The following CELF2 variants were observed in gnomAD, a reference collection of about 807,000 sequenced individuals.
CELF2 encodes the protein CUG triplet repeat RNA-binding protein 2.
CELF2 carries 8 observed loss-of-function variants against 62.6 expected under a neutral mutation model. That is an observed-to-expected ratio of 0.13 (90% CI 0.07 to 0.23). The LOEUF (loss-of-function observed/expected upper bound fraction) is 0.23, where lower values mean the gene tolerates loss of function less well. Ranked by LOEUF, CELF2 falls within the 10% of genes least tolerant of loss-of-function variation. The pLI, the probability that CELF2 is intolerant of heterozygous loss-of-function variation, is 1.00. For missense variants in CELF2, 333 were observed against 671.0 expected (o/e 0.50, Z 5.56); for synonymous variants, 258 against 250.0 (o/e 1.03, Z -0.30).
chr10:10,612,941 C>T, the CELF2 span, among the ~76,000 whole-genome samples: 2 of 152,116 alleles, frequency 1.3e-5, no homozygotes, highest in Non-Finnish European at 2.9e-5. Context: ...TTTCAACCCA[C>T]GGTTAGATGA....
At position 11,306,333 on chromosome 10, in the gene CELF2, C is replaced by T. The variant is rs2094207179; in HGVS notation, c.977-7806C>T. 6.6e-6 allele frequency among the ~76,000 whole-genome samples: 1 copy of T among 152,048 alleles called. No individual in the cohort carries two copies. The highest frequency in any genetic ancestry group is 2.1e-4 in the South Asian group (1 of 4,824). ...AAAGCGTAGGGTACAGTTCTCAGCA[C>T]AGACTGAAGGAATCTGAGGTGGGAA... On this transcript the variant is annotated intron_variant, in intron 9 of 12. Coordinates refer to ENST00000633077, the MANE Select transcript of CELF2 (RefSeq NM_001326342.2). This position sits in a 1 kb window ranked among gnomAD's most constrained non-coding sequence, Gnocchi z 4.4.
At chr10:11,258,924 T>C (rs2079615392) in intron 5 of CELF2, among the ~76,000 whole-genome samples, 1 of 152,218 alleles carries the variant, frequency 6.6e-6, no homozygotes, top group African/African-American at 2.4e-5. Context: ...GACCTCGTGA[T>C]CCACCCGCCT....
chr10:10,739,913 C>T, the CELF2 span, among the ~76,000 whole-genome samples: 54 of 152,232 alleles, frequency 3.5e-4, 1 homozygote, highest in Admixed American at 3.4e-3. Flanking sequence ...TATTTAGGTC[C>T]TTTGCCCCCT....
the CELF2 span, among the ~76,000 whole-genome samples, chr10:10,734,207 G>A: frequency 1.3e-5 from 2 of 152,106 alleles, no homozygotes; most frequent in African/African-American, 4.8e-5. Context: ...ACCAGAAACT[G>A]ACAGTTACAA....
chr10:11,193,645 G>A (rs1480310268), intron 2 of CELF2, among the ~76,000 whole-genome samples: 2 of 152,172 alleles, frequency 1.3e-5, no homozygotes, highest in African/African-American at 4.8e-5. Context: ...ACCCACCTAG[G>A]GGCCGGGTGT....
At chr10:11,167,935 A>C (rs2067709777) in intron 2 of CELF2, among the ~76,000 whole-genome samples, 1 of 152,214 alleles carries the variant, frequency 6.6e-6, no homozygotes, top group African/African-American at 2.4e-5. Context: ...GTTAAGTGAC[A>C]GAGTGGAGAT....
chr10:10,925,714 A>G (rs2065397018), intron 2 of CELF2, among the ~76,000 whole-genome samples: 1 of 152,176 alleles, frequency 6.6e-6, no homozygotes, highest in Non-Finnish European at 1.5e-5. Flanking sequence ...AGTACAGGCC[A>G]GGGGATAGCC....
At chr10:11,160,645 C>CAA (rs35755036) in intron 1 of CELF2, among the ~76,000 whole-genome samples, 106 of 96,844 alleles carry the variant, frequency 1.1e-3, no homozygotes, top group African/African-American at 2.9e-3. Flanking sequence ...TCCCAAGGAT[C>CAA]AAAAAAAAAA....
intron 1 of CELF2, among the ~76,000 whole-genome samples, chr10:11,114,964 A>G (rs558916985): frequency 1.3e-5 from 2 of 152,156 alleles, no homozygotes; most frequent in African/African-American, 4.8e-5. Flanking sequence ...TGGCTTCCCA[A>G]CATGTAGTAT....
At position 11,268,565 on chromosome 10, in the gene CELF2, G is replaced by A. The variant is rs1366604988; in HGVS notation, c.618+1888G>A. Among the ~76,000 whole-genome samples, 1 of 152,150 alleles carries A rather than the reference G, an allele frequency of 6.6e-6. No individual in the cohort carries two copies. The highest frequency in any genetic ancestry group is 1.5e-5 in the Non-Finnish European group (1 of 68,030). The stretch of plus-strand genomic sequence containing the variant: ...CATGTAAAGAGTTGGTTTGACCACT[G>A]GGGCATATTTATTCCTAAGCCTTTG... On this transcript the variant is annotated intron_variant, in intron 6 of 12. Coordinates refer to ENST00000633077, the MANE Select transcript of CELF2 (RefSeq NM_001326342.2). This position sits in a 1 kb window ranked among gnomAD's most constrained non-coding sequence, Gnocchi z 4.7.
At chr10:10,970,174 T>C (rs542629248) in intron 2 of CELF2, among the ~76,000 whole-genome samples, 5 of 152,298 alleles carry the variant, frequency 3.3e-5, no homozygotes, top group African/African-American at 1.2e-4. Flanking sequence ...GGTCAAGCAA[T>C]TCTTCTGCCT....
Position 11,330,082 on chromosome 10 carries a change from C to T in CELF2, c.*1029C>T, listed in dbSNP as rs544839290. 6.5e-6 allele frequency: 1 copy of T among 152,732 alleles called. No homozygotes were observed. The highest frequency in any genetic ancestry group is 2.1e-4 in the South Asian group (1 of 4,820). The allele number at this position is 152,732 out of a possible 1,614,324, so 9.5% of individuals were successfully genotyped here. A position where few individuals can be genotyped will look rare whatever the true frequency, so the allele number is the denominator to read the frequency against. On this transcript the variant is annotated 3_prime_UTR_variant, in exon 13 of 13. Transcript: ENST00000633077. The surrounding 1 kb of genome is among the most constrained non-coding windows in gnomAD (Gnocchi z 4.5). ...TTTTTTTCACCGTTGAACCCTAGAC[C>T]TGAAGTTCATGCTTTATCCTCTCGT...
intron 2 of CELF2, among the ~76,000 whole-genome samples, chr10:11,182,081 A>G (rs571288524): frequency 6.6e-5 from 10 of 152,320 alleles, no homozygotes; most frequent in Non-Finnish European, 1.3e-4. Flanking sequence ...AAGGAGAAAA[A>G]CAGTTCACTC....
At chr10:11,160,200 A>G (rs565652713) in intron 1 of CELF2, among the ~76,000 whole-genome samples, 2 of 152,384 alleles carry the variant, frequency 1.3e-5, no homozygotes, top group South Asian at 4.1e-4. Context: ...ATTAAGAGCC[A>G]GATGGGAACT....
the CELF2 span, among the ~76,000 whole-genome samples, chr10:10,731,469 T>C: frequency 6.6e-6 from 1 of 152,244 alleles, no homozygotes; most frequent in South Asian, 2.1e-4. Flanking sequence ...TTGTATAAAA[T>C]GGAAAGAAAC....
intron 1 of CELF2, among the ~76,000 whole-genome samples, chr10:11,130,548 A>G (rs939856940): frequency 3.3e-5 from 5 of 152,230 alleles, no homozygotes; most frequent in African/African-American, 1.2e-4. Flanking sequence ...TGATGTGTGT[A>G]TGTAATACAT....
At chr10:10,864,868 A>G (rs1220923038) in intron 1 of CELF2, among the ~76,000 whole-genome samples, 1 of 152,128 alleles carries the variant, frequency 6.6e-6, no homozygotes, top group African/African-American at 2.4e-5. Context: ...AAATTTTAAA[A>G]CCACTTCTTG....
chr10:10,708,928 A>G, the CELF2 span, among the ~76,000 whole-genome samples: 1 of 152,320 alleles, frequency 6.6e-6, no homozygotes, highest in East Asian at 1.9e-4. Context: ...CTAAATTTAT[A>G]TCTAGAAAAA....
chr10:11,130,102 C>G (rs2059390829), intron 1 of CELF2, among the ~76,000 whole-genome samples: 2 of 152,142 alleles, frequency 1.3e-5, no homozygotes, highest in Admixed American at 1.3e-4. Flanking sequence ...CAAATAACAT[C>G]TTTATTTCTG....
Sources: allele counts gnomAD v4.1 joint callset (sites outside exome capture counted in the v4.1 genomes callset), GRCh38; gene constraint gnomAD v4.1.1; non-coding constraint Gnocchi (gnomAD v3.1); transcripts MANE v1.5; gene names NCBI Gene and HGNC (gene_info 2026-07-23, HGNC 2026-07-21).